Variants in ANKRD44 observed in about 807,000 individuals in gnomAD.
ANKRD44 encodes the protein serine/threonine-protein phosphatase 6 regulatory ankyrin repeat subunit B.
In ANKRD44, 35 loss-of-function variants were observed where a neutral mutation model predicts 116.0. The observed-to-expected ratio is 0.30, with a 90% CI of 0.23 to 0.40. The LOEUF is 0.40. Among genes scored for constraint, ANKRD44 ranks in the 10% least tolerant of loss-of-function variants. ANKRD44 has a pLI of 1.00. For synonymous variants in ANKRD44, 435 were observed against 461.8 expected (o/e 0.94, Z 0.74); for missense variants, 1,014 against 1,242.6 (o/e 0.82, Z 2.77).
At chr2:197,182,665 A>G (rs2080539939) in intron 2 of ANKRD44, among the ~76,000 whole-genome samples, 2 of 125,698 alleles carry the variant, frequency 1.6e-5, no homozygotes, top group East Asian at 3.2e-4. Flanking sequence ...ATACACTACA[A>G]TCTGCACATA....
chr2:197,200,157 A>T (rs2081060557), intron 1 of ANKRD44, among the ~76,000 whole-genome samples: 1 of 152,338 alleles, frequency 6.6e-6, no homozygotes, highest in African/African-American at 2.4e-5. Flanking sequence ...TGTTCTACAG[A>T]CCTCATGCAA....
intron 6 of ANKRD44, among the ~76,000 whole-genome samples, chr2:197,124,001 T>C (rs1451097662): frequency 3.3e-5 from 5 of 152,180 alleles, no homozygotes; most frequent in Non-Finnish European, 7.4e-5. Flanking sequence ...TGTATATACA[T>C]CAGCAGAGAG....
chr2:197,133,372 G>T (rs2125374893), intron 4 of ANKRD44, among the ~76,000 whole-genome samples: 1 of 152,100 alleles, frequency 6.6e-6, no homozygotes, highest in East Asian at 1.9e-4. Context: ...GGGCCTCACA[G>T]AATCCAAGGT....
At chr2:197,113,074 A>G (rs924450797) in intron 8 of ANKRD44, among the ~76,000 whole-genome samples, 3 of 152,210 alleles carry the variant, frequency 2.0e-5, no homozygotes, top group African/African-American at 7.2e-5. Context: ...TCCATCTTCT[A>G]TGAGTATAAT....
rs1271796148 is a variant in ANKRD44, at chr2:197,116,576, G to A, written c.906+4756C>T. Among the ~76,000 whole-genome samples, 8 of 152,022 alleles carry A rather than the reference G, an allele frequency of 5.3e-5. No homozygotes were observed. In the South Asian group the frequency reaches 1.7e-3, roughly 32 times the overall value. ...CTGCTTTCCATCTTCATGAAAACACGACACTCCTTCCTGTCTCCTCTAACT... is the reference window on the plus strand; with the variant it reads ...CTGCTTTCCATCTTCATGAAAACACAACACTCCTTCCTGTCTCCTCTAACT... On this transcript the variant is annotated intron_variant, in intron 8 of 27. Transcript: ENST00000282272.
intron 1 of ANKRD44, among the ~76,000 whole-genome samples, chr2:197,224,737 T>C (rs2081662829): frequency 6.6e-6 from 1 of 152,234 alleles, no homozygotes; most frequent in Non-Finnish European, 1.5e-5. Context: ...GACTCAATTT[T>C]CTTTCCTTTT....
chr2:197,112,123 GAAT>G (rs1280828290), intron 8 of ANKRD44, among the ~76,000 whole-genome samples: 2 of 152,078 alleles, frequency 1.3e-5, no homozygotes, highest in Non-Finnish European at 2.9e-5. Context: ...TGTTATTTTA[GAAT>G]AAAAGTATCC....
chr2:197,273,626 T>C (rs557387925), intron 1 of ANKRD44, among the ~76,000 whole-genome samples: 1 of 152,204 alleles, frequency 6.6e-6, no homozygotes, highest in Non-Finnish European at 1.5e-5. Context: ...GCGCAGGGCC[T>C]AGGAGCCAGG....
rs1046402859 is a variant in ANKRD44 at position 197,203,960 on chromosome 2, G to A, written c.28-16854C>T. 6.6e-6 allele frequency among the ~76,000 whole-genome samples: 1 copy of A among 152,174 alleles called. No individual in the cohort carries two copies. The highest frequency in any genetic ancestry group is 2.4e-5 in the African/African-American group (1 of 41,436). On this transcript the variant is annotated intron_variant, in intron 1 of 27. Transcript: ENST00000282272. The surrounding 1 kb of genome is among the most constrained non-coding windows in gnomAD (Gnocchi z 4.1). ...CAGTTACCAGGGATCGGGAGGGAACGGGAAGTGACTGCTTCATGGATACAG... is the reference window on the plus strand; with the variant it reads ...CAGTTACCAGGGATCGGGAGGGAACAGGAAGTGACTGCTTCATGGATACAG...
At chr2:197,027,047 A>G (rs777882404) in intron 16 of ANKRD44, among the ~76,000 whole-genome samples, 50 of 151,882 alleles carry the variant, frequency 3.3e-4, no homozygotes, top group Non-Finnish European at 6.8e-4. Context: ...GTGAAATTTG[A>G]GATGTTTATA....
chr2:197,080,569 C>T (rs973130135), intron 15 of ANKRD44, among the ~76,000 whole-genome samples: 6 of 152,138 alleles, frequency 3.9e-5, no homozygotes, highest in Admixed American at 3.9e-4. Flanking sequence ...GCTTAAGATG[C>T]TAGTCTTTTA....
At chr2:197,068,399 AAAAATAAAAT>A (rs373422062) in intron 16 of ANKRD44, among the ~76,000 whole-genome samples, 7,858 of 73,168 alleles carry the variant, frequency 0.11, 448 homozygotes, top group African/African-American at 0.17. Context: ...AAAAAAAAAT[AAAAATAAAAT>A]AAAAAAAAAT....
rs370045603 is a variant in ANKRD44, at chr2:197,276,494, C to A, written c.27+34084G>T. Among the ~76,000 whole-genome samples the A allele has an allele frequency of 2.1e-4, 32 of 151,988 alleles. 1 individual carries two copies. In the East Asian group the frequency reaches 4.8e-3, roughly 23 times the overall value. On this transcript the variant is annotated intron_variant, in intron 1 of 27. Coordinates refer to ENST00000282272, the MANE Select transcript of ANKRD44 (RefSeq NM_001195144.2). ...ATTTCTAGGGTTATATATAAGAGTACTAATATATAACTAAAACTATTCAGC... is the reference window on the plus strand; with the variant it reads ...ATTTCTAGGGTTATATATAAGAGTAATAATATATAACTAAAACTATTCAGC...
At chr2:197,125,795 C>G in intron 5 of ANKRD44, 42 bp downstream of exon 5, 1 of 1,598,050 alleles carries the variant, frequency 6.3e-7, no homozygotes, top group Non-Finnish European at 8.6e-7. Flanking sequence ...GGCTGAAAGT[C>G]CTGGAGGGAG....
intron 1 of ANKRD44, among the ~76,000 whole-genome samples, chr2:197,227,740 T>C (rs2125752560): frequency 6.6e-6 from 1 of 152,324 alleles, no homozygotes; most frequent in Admixed American, 6.5e-5. Flanking sequence ...CTGTTGCCAC[T>C]CATGGCTGTG....
intron 24 of ANKRD44, 144 bp downstream of exon 24, chr2:196,998,763 G>T: frequency 9.0e-7 from 1 of 1,112,866 alleles, no homozygotes; most frequent in Non-Finnish European, 1.3e-6. Flanking sequence ...AGACGCTTGA[G>T]CAGGTAGAAT....
chr2:196,972,751 C>T (rs1465723798), intron 21 of ANKRD44, among the ~76,000 whole-genome samples: 1 of 152,172 alleles, frequency 6.6e-6, no homozygotes, highest in African/African-American at 2.4e-5. Context: ...GTATCTGCAT[C>T]ATACTAGTTG....
intron 1 of ANKRD44, among the ~76,000 whole-genome samples, chr2:197,269,605 C>T (rs1006882413): frequency 6.6e-6 from 1 of 152,034 alleles, no homozygotes; most frequent in Non-Finnish European, 1.5e-5. Context: ...AAAGCCTAAT[C>T]CAAGAACTGC....
intron 16 of ANKRD44, among the ~76,000 whole-genome samples, chr2:197,041,894 C>T (rs1353766519): frequency 6.6e-6 from 1 of 152,132 alleles, no homozygotes; most frequent in Non-Finnish European, 1.5e-5. Context: ...CTAAGCTAAA[C>T]ATGATAATTC....
Sources: gnomAD v4.1 joint callset for allele counts (sites outside exome capture counted in the v4.1 genomes callset) on GRCh38, gnomAD v4.1.1 for gene constraint, Gnocchi (gnomAD v3.1) non-coding constraint, MANE v1.5 for transcripts, NCBI Gene and HGNC (gene_info 2026-07-23, HGNC 2026-07-21) for gene names.